ANAPC1: variants seen among roughly 807,000 people sequenced by gnomAD.
The protein encoded by ANAPC1 is anaphase promoting complex subunit 1.
In ANAPC1, 36 loss-of-function variants were observed where a neutral mutation model predicts 208.0. The ratio of observed to expected loss-of-function variants is 0.17; its 90% CI spans 0.13 to 0.23. The LOEUF (loss-of-function observed/expected upper bound fraction) is 0.23, where lower values mean the gene tolerates loss of function less well. Among genes scored for constraint, ANAPC1 ranks in the 10% least tolerant of loss-of-function variants. ANAPC1 has a pLI of 1.00. For missense variants in ANAPC1, 942 were observed against 2,011.6 expected (o/e 0.47, Z 10.17); for synonymous variants, 378 against 695.2 (o/e 0.54, Z 7.18).
At chr2:111,816,098 T>C (rs1431493509) in intron 27 of ANAPC1, among the ~76,000 whole-genome samples, 3 of 149,608 alleles carry the variant, frequency 2.0e-5, no homozygotes, top group Non-Finnish European at 4.5e-5. Flanking sequence ...TAAGGAAAAA[T>C]GACATCTTAA....
chr2:111,775,558 C>T (rs1357643403), intron 46 of ANAPC1, among the ~76,000 whole-genome samples: 1 of 152,224 alleles, frequency 6.6e-6, no homozygotes, highest in African/African-American at 2.4e-5. Context: ...AAAATAAACA[C>T]ATTTTTGATA....
intron 24 of ANAPC1, among the ~76,000 whole-genome samples, chr2:111,824,468 T>C (rs1265726449): frequency 6.6e-6 from 1 of 152,086 alleles, no homozygotes; most frequent in Admixed American, 6.6e-5. Context: ...GGAGCATAGG[T>C]TTGGGGAATA....
chr2:111,810,882 C>CAAAAAA (rs1162540899), intron 28 of ANAPC1, among the ~76,000 whole-genome samples: 90 of 71,514 alleles, frequency 1.3e-3, no homozygotes, highest in African/African-American at 2.1e-3. Flanking sequence ...GACTCCACAT[C>CAAAAAA]AAAAAAAAAA....
intron 28 of ANAPC1, among the ~76,000 whole-genome samples, chr2:111,813,339 A>G (rs1411600586): frequency 6.7e-6 from 1 of 149,266 alleles, no homozygotes; most frequent in Non-Finnish European, 1.5e-5. Context: ...TGAAAGCCCG[A>G]CTCCTCTGAG....
intron 6 of ANAPC1, among the ~76,000 whole-genome samples, chr2:111,868,412 G>A (rs905173919): frequency 6.6e-6 from 1 of 152,096 alleles, no homozygotes; most frequent in African/African-American, 2.4e-5. Flanking sequence ...TTTTTTTATT[G>A]ACCTCTCTTA....
chr2:111,877,032 A>C (rs1683057973), intron 3 of ANAPC1, among the ~76,000 whole-genome samples: 4 of 151,630 alleles, frequency 2.6e-5, no homozygotes. Context: ...TACATATGGG[A>C]TTTTCGGAAT....
intron 11 of ANAPC1, 92 bp downstream of exon 11, chr2:111,858,214 C>T (rs1411186909): frequency 1.0e-5 from 9 of 894,252 alleles, no homozygotes; most frequent in Non-Finnish European, 1.5e-5. Flanking sequence ...CTAAATAAAA[C>T]TACTTAAGCC....
At chr2:111,799,839 T>A (rs1463777143) in intron 34 of ANAPC1, among the ~76,000 whole-genome samples, 15 of 89,752 alleles carry the variant, frequency 1.7e-4, no homozygotes, top group East Asian at 3.2e-4. Flanking sequence ...TTTTGGGAGA[T>A]AAACAAAATA....
In ANAPC1 at chr2:111,824,839, A is replaced by G. The variant is rs549638086; in HGVS notation, c.2812+127T>C. ...GTCGAGAAAAAAAGAATATGGCTTGATGAACCATAATCTCAATCTTGTGAG... is the reference window on the plus strand; with the variant it reads ...GTCGAGAAAAAAAGAATATGGCTTGGTGAACCATAATCTCAATCTTGTGAG... On this transcript the variant is annotated intron_variant, in intron 24 of 47. Transcript: ENST00000341068. 1.3e-3 allele frequency: 1,308 copies of G among 980,456 alleles called. 4 individuals carry two copies. Among genetic ancestry groups the G allele is most frequent in the Non-Finnish European group, 1.8e-3 (1,180 of 657,148 alleles). The allele number at this position is 980,456 out of a possible 1,614,324, so 60.7% of individuals were successfully genotyped here.
intron 6 of ANAPC1, among the ~76,000 whole-genome samples, chr2:111,871,109 A>C (rs770862415): frequency 2.6e-5 from 4 of 152,112 alleles, no homozygotes; most frequent in Non-Finnish European, 5.9e-5. Context: ...ACCTTGTAGA[A>C]TATGTGATGG....
chr2:111,854,794 G>A (rs1376961883), intron 13 of ANAPC1, among the ~76,000 whole-genome samples: 2 of 152,224 alleles, frequency 1.3e-5, no homozygotes, highest in Non-Finnish European at 2.9e-5. Context: ...CAGCATAAGG[G>A]AATGTTATGG....
rs1052224217 is a variant in ANAPC1, at chr2:111,844,695, C to T, written c.1853-1096G>A. 2.5e-4 allele frequency among the ~76,000 whole-genome samples: 38 copies of T among 152,136 alleles called. 1 individual carries two copies. The highest frequency in any genetic ancestry group is 8.7e-4 in the African/African-American group (36 of 41,504). On this transcript the variant is annotated intron_variant, in intron 16 of 47. Transcript: ENST00000341068. ...ATATATGCATCCACGAATAGCAATG[C>T]TTAGCTAGCATTACATGATGTTCTA...
chr2:111,869,419 AT>A (rs1187183167), intron 6 of ANAPC1, among the ~76,000 whole-genome samples: 9 of 152,010 alleles, frequency 5.9e-5, no homozygotes, highest in African/African-American at 2.2e-4. Context: ...AATTTTTTGT[AT>A]TTTTAGTAGA....
At chr2:111,827,778 A>T (rs1268744452) in intron 21 of ANAPC1, among the ~76,000 whole-genome samples, 1 of 152,100 alleles carries the variant, frequency 6.6e-6, no homozygotes, top group Non-Finnish European at 1.5e-5. Context: ...TAAAAAATAA[A>T]AAAAGTCCAA....
At chr2:111,832,723 A>T (rs1226985205) in intron 20 of ANAPC1, among the ~76,000 whole-genome samples, 1 of 151,900 alleles carries the variant, frequency 6.6e-6, no homozygotes, top group Non-Finnish European at 1.5e-5. Flanking sequence ...AGGTCAGGAG[A>T]TCAAGACCAT....
At chr2:111,843,376 G>C (rs1356588799) in intron 17 of ANAPC1, 36 bp downstream of exon 17, 1 of 1,606,448 alleles carries the variant, frequency 6.2e-7, no homozygotes, top group Non-Finnish European at 8.5e-7. Context: ...TACATTAACA[G>C]AATAACTCAT....
rs1558721576 is a variant in ANAPC1, at chr2:111,852,187, T to TAAAA, written c.1516-1278_1516-1277insTTTT. On this transcript the variant is annotated intron_variant, in intron 13 of 47. Coordinates refer to ENST00000341068, the MANE Select transcript of ANAPC1 (RefSeq NM_022662.4). ...AAAAAGAAAAAAAAACTGAATAAAA[T>TAAAA]TTATAATGCAACTAACAGAAGATTC... Among the ~76,000 whole-genome samples the TAAAA allele has an allele frequency of 4.4e-4, 66 of 150,154 alleles. No individual in the cohort carries two copies. In the Middle Eastern group the frequency reaches 0.014, roughly 31 times the overall value.
chr2:111,792,278 A>G, intron 38 of ANAPC1, 84 bp downstream of exon 38: 1 of 802,450 alleles, frequency 1.2e-6, no homozygotes, highest in Non-Finnish European at 2.0e-6. Context: ...TAAATTTTTC[A>G]TGTTATCTTC....
chr2:111,827,110 T>A (rs1303172214), intron 21 of ANAPC1, among the ~76,000 whole-genome samples: 1 of 152,170 alleles, frequency 6.6e-6, no homozygotes, highest in African/African-American at 2.4e-5. Context: ...AGAGTTTCGA[T>A]TGCTCCATAT....
Sources: allele counts gnomAD v4.1 joint callset (sites outside exome capture counted in the v4.1 genomes callset), GRCh38; gene constraint gnomAD v4.1.1; transcripts MANE v1.5; gene names NCBI Gene and HGNC (gene_info 2026-07-23, HGNC 2026-07-21).